Variants in SV2B observed in about 807,000 individuals in gnomAD.
The protein encoded by SV2B is synaptic vesicle glycoprotein 2B.
SV2B carries 41 observed loss-of-function variants against 73.9 expected under a neutral mutation model. The ratio of observed to expected loss-of-function variants is 0.56; its 90% confidence interval spans 0.43 to 0.72. The LOEUF is 0.72. Ranked by LOEUF, SV2B falls within the 30% of genes least tolerant of loss-of-function variation. SV2B has a pLI of 0.00. For missense variants in SV2B, 764 were observed against 857.8 expected (o/e 0.89, Z 1.37); for synonymous variants, 314 against 314.2 (o/e 1.00, Z 0.01).
intron 2 of SV2B, among the ~76,000 whole-genome samples, chr15:91,248,364 T>G (rs1163374216): frequency 6.6e-6 from 1 of 152,174 alleles, no homozygotes; most frequent in African/African-American, 2.4e-5. Context: ...CTTAAGTAGT[T>G]TAATCAAACA....
At chr15:91,266,295 G>GGATT (rs1567411824) in intron 6 of SV2B, among the ~76,000 whole-genome samples, 1 of 152,186 alleles carries the variant, frequency 6.6e-6, no homozygotes, top group Non-Finnish European at 1.5e-5. Flanking sequence ...TTCTCCCCGC[G>GGATT]GATTGCCCAG....
At chr15:91,119,302 G>A (rs562139488) in intron 1 of SV2B, among the ~76,000 whole-genome samples, 1 of 152,234 alleles carries the variant, frequency 6.6e-6, no homozygotes, top group East Asian at 1.9e-4. Flanking sequence ...ATTTCCTAAG[G>A]TACTTTGTCA....
chr15:91,137,648 A>G lies in SV2B; in HGVS notation c.-392+37285A>G, dbSNP rs1257890047. On this transcript the variant is annotated intron_variant, in intron 1 of 12. Transcript: ENST00000394232. This position sits in a 1 kb window ranked among gnomAD's most constrained non-coding sequence, Gnocchi z 4.9. ...ATATACATATATTTCATATATACAT[A>G]TATATTTCATATATACATATATTTC... is the stretch of plus-strand genomic sequence containing the variant. 2.8e-5 allele frequency among the ~76,000 whole-genome samples: 1 copy of G among 35,766 alleles called. No individual in the cohort carries two copies. Among genetic ancestry groups the G allele is most frequent in the Admixed American group, 3.8e-4 (1 of 2,666 alleles). 23.5% of individuals were successfully genotyped at this position (35,766 alleles called of 152,430 possible).
intron 1 of SV2B, chr15:91,101,764 G>A (rs2041732048): frequency 6.6e-6 from 1 of 152,214 alleles, no homozygotes; most frequent in African/African-American, 2.4e-5. Flanking sequence ...GGTGGGCAGA[G>A]CTTTACAAGT....
At chr15:91,221,693 G>GCGCGCGCGCGCGCGCACACACACA (rs370290337) in intron 1 of SV2B, among the ~76,000 whole-genome samples, 1 of 140,068 alleles carries the variant, frequency 7.1e-6, no homozygotes, top group African/African-American at 2.8e-5. Context: ...AAGCATGTGC[G>GCGCGCGCGCGCGCGCACACACACA]CACACACACA....
intron 10 of SV2B, among the ~76,000 whole-genome samples, chr15:91,282,502 G>C (rs1034557410): frequency 2.0e-5 from 3 of 152,142 alleles, no homozygotes; most frequent in African/African-American, 7.2e-5. Context: ...AGCTTCATTA[G>C]GGGGCTTTAC....
In SV2B at chr15:91,297,525, C is replaced by T. The variant is rs1409451227; in HGVS notation, c.*4973C>T. The stretch of plus-strand genomic sequence containing the variant: ...GATTCGGATTCTGGGGATTTGGAAT[C>T]TGGGGTGGGGTCTGAAGAATCTGCA... On this transcript the variant is annotated 3_prime_UTR_variant, in exon 13 of 13. Transcript: ENST00000394232. This position sits in a 1 kb window ranked among gnomAD's most constrained non-coding sequence, Gnocchi z 5.1. 1 of 152,198 alleles carries T rather than the reference C, an allele frequency of 6.6e-6. No individual in the cohort carries two copies. Among genetic ancestry groups the T allele is most frequent in the Non-Finnish European group, 1.5e-5 (1 of 68,036 alleles). The allele number at this position is 152,198 out of a possible 1,614,324, so 9.4% of individuals were successfully genotyped here.
At chr15:91,273,554 A>G (rs1358002112) in intron 9 of SV2B, among the ~76,000 whole-genome samples, 1 of 152,056 alleles carries the variant, frequency 6.6e-6, no homozygotes, top group East Asian at 1.9e-4. Context: ...TGAGTTTTGG[A>G]TATTTATTTT....
At chr15:91,125,257 C>CTTCA (rs1480402683) in intron 1 of SV2B, among the ~76,000 whole-genome samples, 2 of 152,160 alleles carry the variant, frequency 1.3e-5, no homozygotes, top group Non-Finnish European at 2.9e-5. Context: ...GGGGTTAGGA[C>CTTCA]TTCAGCACAT....
chr15:91,139,671 C>T lies in SV2B; in HGVS notation c.-392+39308C>T, dbSNP rs2042945002. ...CAAATTCTGTCTGAAAGAGAGCACC[C>T]TCCATTTAGGTATGTGGGATTCCTA... On this transcript the variant is annotated intron_variant, in intron 1 of 12. Transcript: ENST00000394232. This position sits in a 1 kb window ranked among gnomAD's most constrained non-coding sequence, Gnocchi z 5.2. Among the ~76,000 whole-genome samples the T allele has an allele frequency of 6.6e-6, 1 of 152,150 alleles. No homozygotes were observed. The highest frequency in any genetic ancestry group is 1.5e-5 in the Non-Finnish European group (1 of 68,030).
intron 1 of SV2B, among the ~76,000 whole-genome samples, chr15:91,104,925 C>T (rs530321805): frequency 6.6e-6 from 1 of 152,196 alleles, no homozygotes; most frequent in Non-Finnish European, 1.5e-5. Context: ...AGCCACCGCG[C>T]CTGACTGGGA....
chr15:91,227,542 A>T lies in SV2B; in HGVS notation c.451+828A>T, dbSNP rs1009519298. ...CTATGAAATTAATTGTGCAGCAAAC[A>T]TGTAGTTATGAGAACTAACTATAAG... On this transcript the variant is annotated intron_variant, in intron 2 of 12. Coordinates refer to ENST00000394232, the MANE Select transcript of SV2B (RefSeq NM_001323032.3). This position sits in a 1 kb window ranked among gnomAD's most constrained non-coding sequence, Gnocchi z 4.5. 6.6e-6 allele frequency among the ~76,000 whole-genome samples: 1 copy of T among 152,246 alleles called. No individual in the cohort carries two copies. The highest frequency in any genetic ancestry group is 1.5e-5 in the Non-Finnish European group (1 of 68,038).
rs937259706 is a variant in SV2B at position 91,283,302 on chromosome 15, C to T, written c.1508-719C>T. Among the ~76,000 whole-genome samples, 2 of 152,186 alleles carry T rather than the reference C, an allele frequency of 1.3e-5. No homozygotes were observed. The highest frequency in any genetic ancestry group is 4.8e-5 in the African/African-American group (2 of 41,440). The stretch of plus-strand genomic sequence containing the variant: ...AGCATGGGCTCTGGAGTGATCGGCT[C>T]CATCTGGAACCAACTCTCTTGTGTT... On this transcript the variant is annotated intron_variant, in intron 10 of 12. Transcript: ENST00000394232. The surrounding 1 kb of genome is among the most constrained non-coding windows in gnomAD (Gnocchi z 4.3).
chr15:91,244,034 G>A (rs1032868788), intron 2 of SV2B, among the ~76,000 whole-genome samples: 2 of 152,150 alleles, frequency 1.3e-5, no homozygotes, highest in African/African-American at 4.8e-5. Context: ...TTCTTCATGG[G>A]CTATGTCATA....
rs1313233124 is a variant in SV2B, at chr15:91,242,739, G to A, written c.452-9080G>A. ...TAGGATGAAGAGATCTGACCCAGGA[G>A]TTACCTATTATTTTTTTAAATACGA... On this transcript the variant is annotated intron_variant, in intron 2 of 12. Coordinates refer to ENST00000394232, the MANE Select transcript of SV2B (RefSeq NM_001323032.3). This position sits in a 1 kb window ranked among gnomAD's most constrained non-coding sequence, Gnocchi z 4.9. Among the ~76,000 whole-genome samples, 3 of 152,310 alleles carry A rather than the reference G, an allele frequency of 2.0e-5. No individual in the cohort carries two copies. Among genetic ancestry groups the A allele is most frequent in the Non-Finnish European group, 4.4e-5 (3 of 68,028 alleles).
At position 91,226,567 on chromosome 15, in the gene SV2B, T is replaced by C; in HGVS notation, c.304T>C (p.Cys102Arg). ...AHQYETIMDECGHGRFQWILF... is the reference protein window; with the variant it reads ...AHQYETIMDERGHGRFQWILF... ...CCAGTACGAGACCATCATGGATGAG[T>C]GTGGCCATGGCCGCTTCCAGTGGAT... Residue 102 changes from cysteine (C) to arginine (R), a missense_variant, in exon 2 of 13, where the codon TGT (cysteine) becomes CGT (arginine). Coordinates refer to ENST00000394232, the MANE Select transcript of SV2B (RefSeq NM_001323032.3). The C allele has an allele frequency of 6.2e-7, 1 of 1,614,124 alleles. No individual in the cohort carries two copies. The highest frequency in any genetic ancestry group is 8.5e-7 in the Non-Finnish European group (1 of 1,180,010).
At chr15:91,209,496 T>C (rs1418566594) in intron 1 of SV2B, among the ~76,000 whole-genome samples, 1 of 152,206 alleles carries the variant, frequency 6.6e-6, no homozygotes, top group East Asian at 1.9e-4. Flanking sequence ...TTGCCAAATA[T>C]GTAGGAGTAA....
chr15:91,135,818 A>G (rs2042805336), intron 1 of SV2B, among the ~76,000 whole-genome samples: 1 of 152,114 alleles, frequency 6.6e-6, no homozygotes, highest in Non-Finnish European at 1.5e-5. Context: ...TGCAGTGATT[A>G]TTTTTTCAAA....
rs150744030 is a variant in SV2B, at chr15:91,156,527, G to A, written c.-392+56164G>A. On this transcript the variant is annotated intron_variant, in intron 1 of 12. Transcript: ENST00000394232. ...ATCAGGAGCTGAAGCCAAGGGTATGGTAATGGGAGAAAGTCCAGCAGCCTG... is the reference window on the plus strand; with the variant it reads ...ATCAGGAGCTGAAGCCAAGGGTATGATAATGGGAGAAAGTCCAGCAGCCTG... 3.4e-3 allele frequency among the ~76,000 whole-genome samples: 524 copies of A among 152,308 alleles called. 2 individuals carry two copies. The highest frequency in any genetic ancestry group is 0.014 in the Middle Eastern group (4 of 294).
Sources: gnomAD v4.1 joint callset for allele counts (sites outside exome capture counted in the v4.1 genomes callset) on GRCh38, gnomAD v4.1.1 for gene constraint, Gnocchi (gnomAD v3.1) non-coding constraint, MANE v1.5 for transcripts, NCBI Gene and HGNC (gene_info 2026-07-23, HGNC 2026-07-21) for gene names.